The following FRAS1 variants were observed in gnomAD, a reference collection of about 807,000 sequenced individuals.
The protein encoded by FRAS1 is extracellular matrix organizing protein FRAS1.
FRAS1 carries 290 observed loss-of-function variants against 435.2 expected under a neutral mutation model. That is an observed-to-expected ratio of 0.67 (90% CI 0.61 to 0.73). The LOEUF is 0.73. Ranked by LOEUF, FRAS1 falls within the 30% of genes least tolerant of loss-of-function variation. The probability of loss-of-function intolerance (pLI) is 0.00; values close to 1 mark genes in which losing one functional copy is unlikely to be tolerated. For synonymous variants in FRAS1, 1,800 were observed against 1,851.0 expected, an observed-to-expected ratio of 0.97 and a Z score of 0.71; for missense variants, 4,860 against 5,001.5, an observed-to-expected ratio of 0.97 and a Z score of 0.85.
At chr4:78,065,117 C>T (rs564853707) in intron 1 of FRAS1, among the ~76,000 whole-genome samples, 53 of 135,844 alleles carry the variant, frequency 3.9e-4, no homozygotes, top group African/African-American at 1.4e-3. Flanking sequence ...ACTACATATG[C>T]TATTTATACT....
intron 2 of FRAS1, among the ~76,000 whole-genome samples, chr4:78,194,041 G>A (rs989232289): frequency 4.6e-5 from 7 of 152,122 alleles, no homozygotes; most frequent in Non-Finnish European, 8.8e-5. Context: ...AGCTTAGTTT[G>A]TCTGGATATG....
Position 78,430,415 on chromosome 4 carries a change from C to T in FRAS1, c.4967C>T (p.Thr1656Ile), listed in dbSNP as rs1332969069. ...HTAEFRRPMA[T>I]GDTFTYEDVE... is the part of the protein sequence containing the mutation. ...GCTGAGTTCCGAAGGCCGATGGCCA[C>T]AGGTAGCTACACACCTACACACTCT... is the stretch of plus-strand genomic sequence containing the variant. The change falls in exon 37 of 74, where the codon ACA (threonine) becomes ATA (isoleucine). Residue 1656 changes from threonine (T) to isoleucine (I), a missense_variant and splice_region_variant. By Grantham distance (89) the Thr-to-Ile change is moderately conservative. Transcript: ENST00000512123. 1.9e-6 allele frequency: 3 copies of T among 1,612,532 alleles called. No individual in the cohort carries two copies. In the African/African-American group the frequency reaches 4.0e-5, roughly 22 times the overall value.
chr4:78,404,610 C>T (rs1733030011), intron 30 of FRAS1, among the ~76,000 whole-genome samples: 1 of 152,156 alleles, frequency 6.6e-6, no homozygotes, highest in South Asian at 2.1e-4. Flanking sequence ...AGTCATCTAT[C>T]CCAATAGGTG....
At chr4:78,262,608 T>G (rs1726164090) in intron 6 of FRAS1, among the ~76,000 whole-genome samples, 1 of 152,164 alleles carries the variant, frequency 6.6e-6, no homozygotes, top group African/African-American at 2.4e-5. Flanking sequence ...GTGGTGGGGT[T>G]TTAATCTCTT....
intron 27 of FRAS1, among the ~76,000 whole-genome samples, chr4:78,381,951 T>A (rs1483392070): frequency 6.6e-6 from 1 of 152,172 alleles, no homozygotes; most frequent in East Asian, 1.9e-4. Context: ...TAGAAACCCA[T>A]GGAAAATAAA....
In FRAS1 at chr4:78,493,475, TA is replaced by T. The variant is rs968352742; in HGVS notation, c.8959-3321del. On this transcript the variant is annotated intron_variant, in intron 59 of 73. Coordinates refer to ENST00000512123, the MANE Select transcript of FRAS1 (RefSeq NM_025074.7). ...TACACCATGGAGTATTATGCAGCTA[TA>T]AAAAAAAAGATGAGTTCATTCCTTT... Among the ~76,000 whole-genome samples, 5 of 151,116 alleles carry T rather than the reference TA, an allele frequency of 3.3e-5. No homozygotes were observed. In the South Asian group the frequency reaches 6.3e-4, roughly 19 times the overall value.
rs147290100 is a variant in FRAS1 at position 78,366,673 on chromosome 4, C to A, written c.2722+2619C>A. On this transcript the variant is annotated intron_variant, in intron 22 of 73. Transcript: ENST00000512123. The stretch of plus-strand genomic sequence containing the variant: ...ACAGATGTGATGGTTACAGCACATC[C>A]CAGCTTCCCTCAGTGGTTTCTGGTC... 4.2e-3 allele frequency among the ~76,000 whole-genome samples: 636 copies of A among 152,280 alleles called. 3 individuals carry two copies. The highest frequency in any genetic ancestry group is 0.011 in the South Asian group (55 of 4,820).
intron 2 of FRAS1, among the ~76,000 whole-genome samples, chr4:78,131,626 GAGA>G (rs1188354443): frequency 2.6e-5 from 4 of 152,126 alleles, no homozygotes; most frequent in Non-Finnish European, 5.9e-5. Context: ...GTGCCACTTG[GAGA>G]AGAAGATGAT....
chr4:78,503,333 C>A (rs1465419142), intron 61 of FRAS1, among the ~76,000 whole-genome samples: 1 of 152,132 alleles, frequency 6.6e-6, no homozygotes, highest in South Asian at 2.1e-4. Flanking sequence ...GCTGTGAATC[C>A]GTCTGGTCCT....
At chr4:78,473,352 G>A (rs1327884695) in intron 52 of FRAS1, 86 bp from the exon 53 acceptor site, 8 of 1,087,932 alleles carry the variant, frequency 7.4e-6, no homozygotes, top group Non-Finnish European at 1.1e-5. Flanking sequence ...TACATTAGAA[G>A]AATAAACTAG....
In FRAS1 at chr4:78,384,485, T is replaced by C. The variant is rs1456711270; in HGVS notation, c.3648+342T>C. The stretch of plus-strand genomic sequence containing the variant: ...GCGACATAACATGTCTGTGGTAATA[T>C]AGCTAATAAATAGGGAGTCAATGTT... On this transcript the variant is annotated intron_variant, in intron 28 of 73. Coordinates refer to ENST00000512123, the MANE Select transcript of FRAS1 (RefSeq NM_025074.7). Among the ~76,000 whole-genome samples the C allele has an allele frequency of 2.0e-5, 3 of 152,156 alleles. No individual in the cohort carries two copies. The South Asian group carries it at 6.2e-4, about 32-fold the overall frequency.
intron 2 of FRAS1, among the ~76,000 whole-genome samples, chr4:78,112,981 C>T (rs1301847615): frequency 6.6e-6 from 1 of 152,130 alleles, no homozygotes; most frequent in African/African-American, 2.4e-5. Context: ...TCCCCGCTCC[C>T]TCCACCCCAC....
chr4:78,492,998 T>A (rs1379324375), intron 59 of FRAS1, among the ~76,000 whole-genome samples: 1 of 152,172 alleles, frequency 6.6e-6, no homozygotes, highest in Non-Finnish European at 1.5e-5. Context: ...GCAAAGGATA[T>A]GAACAGACAC....
chr4:78,217,596 AC>A (rs767814332), intron 2 of FRAS1, among the ~76,000 whole-genome samples: 12 of 152,066 alleles, frequency 7.9e-5, no homozygotes, highest in Non-Finnish European at 1.6e-4. Flanking sequence ...GTCTGCTTAT[AC>A]CTATTTTTAT....
At chr4:78,089,251 G>GGGGAA (rs1741373381) in intron 2 of FRAS1, among the ~76,000 whole-genome samples, 1 of 147,728 alleles carries the variant, frequency 6.8e-6, no homozygotes, top group Admixed American at 6.8e-5. Flanking sequence ...GACATAGGAA[G>GGGGAA]GGGAACATCA....
At chr4:78,403,388 C>G (rs1328273861) in intron 30 of FRAS1, among the ~76,000 whole-genome samples, 1 of 152,114 alleles carries the variant, frequency 6.6e-6, no homozygotes, top group Admixed American at 6.6e-5. Context: ...TGAACATGAT[C>G]TTTCCGTGTA....
chr4:78,150,370 C>A (rs1032415853), intron 2 of FRAS1, among the ~76,000 whole-genome samples: 2 of 152,066 alleles, frequency 1.3e-5, no homozygotes, highest in African/African-American at 4.8e-5. Context: ...CTTTTTGGTC[C>A]GCTTTTGGTC....
chr4:78,466,476 A>T, intron 50 of FRAS1, 41 bp downstream of exon 50: 1 of 1,416,262 alleles, frequency 7.1e-7, no homozygotes, highest in Non-Finnish European at 9.9e-7. Flanking sequence ...CTAGCACTGC[A>T]TGGCAGAGGC....
chr4:78,345,769 G>A (rs415472), intron 20 of FRAS1, among the ~76,000 whole-genome samples: 25,734 of 151,522 alleles, frequency 0.17, 2,879 homozygotes, highest in African/African-American at 0.32. Context: ...CTGCAAAGGG[G>A]TGATTGAATA....
Sources: allele counts gnomAD v4.1 joint callset (sites outside exome capture counted in the v4.1 genomes callset), GRCh38; gene constraint gnomAD v4.1.1; transcripts MANE v1.5; gene names NCBI Gene and HGNC (gene_info 2026-07-23, HGNC 2026-07-21).